The following SLC24A3 variants were observed in gnomAD, a reference collection of about 807,000 sequenced individuals.
SLC24A3 encodes the protein solute carrier family 24 member 3.
In SLC24A3, 28 loss-of-function variants were observed where a neutral mutation model predicts 75.8. The observed-to-expected ratio is 0.37, with a 90% CI of 0.27 to 0.51. The LOEUF is 0.51. SLC24A3 is among the 20% of genes least tolerant of loss of function. SLC24A3 has a pLI of 0.94. For missense variants in SLC24A3, 663 were observed against 847.8 expected (o/e 0.78, Z 2.71); for synonymous variants, 372 against 334.1 (o/e 1.11, Z -1.24).
intron 2 of SLC24A3, among the ~76,000 whole-genome samples, chr20:19,470,690 C>A (rs879677698): frequency 2.6e-5 from 4 of 152,174 alleles, no homozygotes; most frequent in African/African-American, 9.7e-5. Flanking sequence ...CAGAAGAAGA[C>A]TTTGACCCAC....
intron 6 of SLC24A3, among the ~76,000 whole-genome samples, chr20:19,611,836 C>G (rs192192746): frequency 4.0e-4 from 61 of 152,308 alleles, no homozygotes; most frequent in African/African-American, 1.4e-3. Context: ...TAACACTGAC[C>G]CTTGGCCTCT....
intron 2 of SLC24A3, among the ~76,000 whole-genome samples, chr20:19,491,552 C>G (rs1191622679): frequency 6.6e-6 from 1 of 152,160 alleles, no homozygotes; most frequent in Non-Finnish European, 1.5e-5. Context: ...TTTCCAGGCT[C>G]TGTCACCCCA....
chr20:19,556,940 A>G (rs2030797316), intron 3 of SLC24A3, among the ~76,000 whole-genome samples: 1 of 152,198 alleles, frequency 6.6e-6, no homozygotes, highest in Admixed American at 6.5e-5. Flanking sequence ...CCTAAAATGT[A>G]AAGTCTTCTC....
intron 2 of SLC24A3, among the ~76,000 whole-genome samples, chr20:19,338,552 A>G (rs769252839): frequency 6.6e-6 from 1 of 152,174 alleles, no homozygotes; most frequent in Non-Finnish European, 1.5e-5. Context: ...CCTCCTGTCC[A>G]ACCTGCCCAT....
intron 3 of SLC24A3, among the ~76,000 whole-genome samples, chr20:19,572,078 TG>T (rs954885255): frequency 5.3e-5 from 8 of 152,182 alleles, no homozygotes; most frequent in African/African-American, 1.9e-4. Flanking sequence ...GGCTCACACC[TG>T]TAATCCCAGC....
At chr20:19,245,862 A>G (rs998064906) in intron 1 of SLC24A3, among the ~76,000 whole-genome samples, 4 of 152,180 alleles carry the variant, frequency 2.6e-5, no homozygotes, top group South Asian at 2.1e-4. Context: ...ATAAGAAGAA[A>G]CAACAAATTT....
rs547669113 is a variant in SLC24A3 at position 19,328,992 on chromosome 20, A to G, written c.271+47905A>G. ...AGAGGTGGCCTGAAAGTTGGGCACC[A>G]GGGAGGCGGGAGTGAGCAGTGGGTT... is the stretch of plus-strand genomic sequence containing the variant. On this transcript the variant is annotated intron_variant, in intron 2 of 16. Transcript: ENST00000328041. 2.6e-5 allele frequency among the ~76,000 whole-genome samples: 4 copies of G among 152,296 alleles called. No homozygotes were observed. In the East Asian group the frequency reaches 5.8e-4, roughly 22 times the overall value.
intron 6 of SLC24A3, among the ~76,000 whole-genome samples, chr20:19,589,763 A>C (rs1432823579): frequency 1.3e-5 from 2 of 152,054 alleles, no homozygotes; most frequent in Admixed American, 6.6e-5. Context: ...ATTCTGTAAA[A>C]ATATTTGCGG....
rs533522389 is a variant in SLC24A3, at chr20:19,363,483, A to G, written c.271+82396A>G. On this transcript the variant is annotated intron_variant, in intron 2 of 16. Transcript: ENST00000328041. ...TTTAGAATAAAAGAAGAAAACACAT[A>G]TCCATTGGAAAATCATGTCAGCTGT... Among the ~76,000 whole-genome samples the G allele has an allele frequency of 2.6e-5, 4 of 152,304 alleles. No homozygotes were observed. In the South Asian group the frequency reaches 8.3e-4, roughly 32 times the overall value.
intron 6 of SLC24A3, among the ~76,000 whole-genome samples, chr20:19,618,665 G>A (rs1279724139): frequency 2.0e-5 from 3 of 152,124 alleles, no homozygotes; most frequent in Non-Finnish European, 4.4e-5. Flanking sequence ...AGCCTCTTGT[G>A]CCTCTGTTAC....
intron 6 of SLC24A3, among the ~76,000 whole-genome samples, chr20:19,600,274 C>A (rs2031512121): frequency 6.6e-6 from 1 of 152,166 alleles, no homozygotes; most frequent in Non-Finnish European, 1.5e-5. Context: ...CTCTTAAATT[C>A]TGCCCAGCGG....
At chr20:19,294,994 A>G (rs1043705490) in intron 2 of SLC24A3, among the ~76,000 whole-genome samples, 28 of 152,156 alleles carry the variant, frequency 1.8e-4, no homozygotes, top group African/African-American at 6.8e-4. Context: ...TAATAATTGC[A>G]TTCTAACTGG....
intron 1 of SLC24A3, among the ~76,000 whole-genome samples, chr20:19,268,608 A>G (rs1482902608): frequency 6.6e-6 from 1 of 152,214 alleles, no homozygotes; most frequent in Non-Finnish European, 1.5e-5. Flanking sequence ...CTAGAAACCC[A>G]AATTGACACA....
chr20:19,682,075 A>C (rs1350517706), intron 10 of SLC24A3, 84 bp downstream of exon 10: 24 of 1,439,864 alleles, frequency 1.7e-5, no homozygotes, highest in African/African-American at 2.8e-5. Flanking sequence ...CAACATGGCA[A>C]ATCCCCATCT....
At chr20:19,318,843 C>T (rs936810959) in intron 2 of SLC24A3, among the ~76,000 whole-genome samples, 10 of 152,064 alleles carry the variant, frequency 6.6e-5, no homozygotes, top group Non-Finnish European at 1.5e-4. Flanking sequence ...AGCCTGCCTG[C>T]GAGGGGAGAT....
chr20:19,289,168 G>C (rs1954732408), intron 2 of SLC24A3, among the ~76,000 whole-genome samples: 1 of 151,976 alleles, frequency 6.6e-6, no homozygotes, highest in Non-Finnish European at 1.5e-5. Flanking sequence ...CTGTGATTCA[G>C]GTACTCTCCC....
chr20:19,529,443 A>G (rs534308055), intron 3 of SLC24A3, among the ~76,000 whole-genome samples: 2 of 152,242 alleles, frequency 1.3e-5, no homozygotes, highest in Admixed American at 6.5e-5. Context: ...AGCCCCACCC[A>G]TCAGCAAGGT....
intron 1 of SLC24A3, among the ~76,000 whole-genome samples, chr20:19,273,202 CA>C (rs2122213211): frequency 6.6e-6 from 1 of 152,328 alleles, no homozygotes; most frequent in South Asian, 2.1e-4. Context: ...TAACCTAGGC[CA>C]GTGTGGGCGA....
intron 2 of SLC24A3, among the ~76,000 whole-genome samples, chr20:19,427,962 T>C (rs532551936): frequency 5.9e-5 from 9 of 152,212 alleles, no homozygotes; most frequent in Non-Finnish European, 1.3e-4. Flanking sequence ...CACACACATA[T>C]AACAAAACAG....
Sources: gnomAD v4.1 joint callset for allele counts (sites outside exome capture counted in the v4.1 genomes callset) on GRCh38, gnomAD v4.1.1 for gene constraint, MANE v1.5 for transcripts, NCBI Gene and HGNC (gene_info 2026-07-23, HGNC 2026-07-21) for gene names.